The following AP3S2 variants were observed in gnomAD, a reference collection of about 807,000 sequenced individuals.
AP3S2 encodes AP-3 complex subunit sigma-2.
A neutral mutation model predicts 23.4 loss-of-function variants in AP3S2; 22 were observed. That is an observed-to-expected ratio of 0.94 (90% CI 0.67 to 1.34). The LOEUF is 1.34. Among genes scored for constraint, AP3S2 ranks in the 40% most tolerant of loss-of-function variants. The pLI is 0.00. For missense variants in AP3S2, 241 were observed against 236.9 expected (o/e 1.02, Z -0.11); for synonymous variants, 86 against 87.1 (o/e 0.99, Z 0.07).
intron 4 of AP3S2, among the ~76,000 whole-genome samples, chr15:89,852,000 C>A (rs1246371697): frequency 1.3e-5 from 2 of 152,178 alleles, no homozygotes; most frequent in Non-Finnish European, 2.9e-5. Flanking sequence ...GACACAAACA[C>A]ATTTCCCCAC....
intron 1 of AP3S2, 29 bp downstream of exon 1, chr15:89,893,851 AG>A: frequency 6.4e-7 from 1 of 1,551,088 alleles, no homozygotes; most frequent in Non-Finnish European, 8.7e-7. Context: ...GGCGCCCTGA[AG>A]GGGCGTGGTG....
intron 3 of AP3S2, among the ~76,000 whole-genome samples, chr15:89,881,577 A>C (rs1268586909): frequency 2.0e-5 from 3 of 152,168 alleles, no homozygotes; most frequent in African/African-American, 7.2e-5. Flanking sequence ...AGAATATACA[A>C]AATATGACAT....
At position 89,889,104 on chromosome 15, in the gene AP3S2, A is replaced by G; in HGVS notation, c.106T>C (p.Phe36Leu). ...TCATCCCGCTTGAGGACTAGATGGA[A>G]AGTCTCTCGAACAATCTGCTGTTGA... The part of the protein sequence containing the change: ...EIQQQIVRET[F>L]HLVLKRDDNI... The change falls in exon 2 of 6, where the codon TTC becomes CTC. Residue 36 changes from phenylalanine to leucine, a missense_variant. Coordinates refer to ENST00000336418, the MANE Select transcript of AP3S2 (RefSeq NM_005829.5). 6.2e-7 allele frequency: 1 copy of G among 1,614,224 alleles called. No individual in the cohort carries two copies. The highest frequency in any genetic ancestry group is 8.5e-7 in the Non-Finnish European group (1 of 1,180,032).
chr15:89,851,819 T>C lies in AP3S2; in HGVS notation c.346-14097A>G, dbSNP rs979971180. ...GTGAAATCATTTTTTTTTTTTTTAA[T>C]GTTCTAGCAGGACTTTTTCTTTCTA... On this transcript the variant is annotated intron_variant, in intron 4 of 5. Transcript: ENST00000336418. Among the ~76,000 whole-genome samples, 6 of 151,740 alleles carry C rather than the reference T, an allele frequency of 4.0e-5. 1 individual carries two copies. The South Asian group carries it at 1.2e-3, about 32-fold the overall frequency.
chr15:89,846,641 C>T (rs1166262993), intron 4 of AP3S2, among the ~76,000 whole-genome samples: 1 of 152,192 alleles, frequency 6.6e-6, no homozygotes, highest in Non-Finnish European at 1.5e-5. Flanking sequence ...ATTCTCCTGC[C>T]TCAGCCTCCC....
chr15:89,890,401 C>G (rs755523296), intron 1 of AP3S2, among the ~76,000 whole-genome samples: 2 of 152,164 alleles, frequency 1.3e-5, no homozygotes, highest in Non-Finnish European at 2.9e-5. Context: ...GATGAAATCA[C>G]TTTGATAACT....
intron 4 of AP3S2, among the ~76,000 whole-genome samples, chr15:89,860,446 G>C (rs536944334): frequency 6.6e-6 from 1 of 152,198 alleles, no homozygotes; most frequent in Non-Finnish European, 1.5e-5. Flanking sequence ...GGCAGCTAGT[G>C]TACACAGCAC....
chr15:89,850,875 C>G (rs1895634252), intron 4 of AP3S2, among the ~76,000 whole-genome samples: 1 of 152,030 alleles, frequency 6.6e-6, no homozygotes, highest in African/African-American at 2.4e-5. Flanking sequence ...TCACCACACC[C>G]AGCTAATTTT....
At chr15:89,856,837 CACTCCAGCCTGGGCA>C in intron 4 of AP3S2, among the ~76,000 whole-genome samples, 1 of 149,700 alleles carries the variant, frequency 6.7e-6, no homozygotes, top group Admixed American at 6.6e-5. Context: ...CATGCCACTG[CACTCCAGCCTGGGCA>C]ACAGAGTAAG....
At chr15:89,862,439 A>G (rs1379790860) in intron 4 of AP3S2, among the ~76,000 whole-genome samples, 1 of 152,212 alleles carries the variant, frequency 6.6e-6, no homozygotes, top group African/African-American at 2.4e-5. Flanking sequence ...TTATTGACAT[A>G]TTTAGGGATG....
intron 5 of AP3S2, among the ~76,000 whole-genome samples, chr15:89,836,309 T>C (rs1005849530): frequency 2.0e-5 from 3 of 152,026 alleles, no homozygotes; most frequent in African/African-American, 7.3e-5. Flanking sequence ...TAATCTAAGG[T>C]GATTTGTCAG....
chr15:89,858,512 AG>A (rs1422208698), intron 4 of AP3S2, among the ~76,000 whole-genome samples: 3 of 50,972 alleles, frequency 5.9e-5, no homozygotes, highest in Non-Finnish European at 8.5e-5. Context: ...AGAGAGAGAG[AG>A]AGAGAGAGAG....
At chr15:89,840,020 A>T (rs1895289677) in intron 4 of AP3S2, among the ~76,000 whole-genome samples, 1 of 152,156 alleles carries the variant, frequency 6.6e-6, no homozygotes, top group Admixed American at 6.5e-5. Context: ...AAATTCAGAG[A>T]CAGAAACTGG....
chr15:89,885,231 A>T (rs148038204), intron 3 of AP3S2, among the ~76,000 whole-genome samples: 1 of 150,738 alleles, frequency 6.6e-6, no homozygotes, highest in African/African-American at 2.4e-5. Context: ...GTCTCGCTCT[A>T]TTGCCCAGGC....
In AP3S2 at chr15:89,835,334, C is replaced by T. The variant is rs1454262177; in HGVS notation, c.*181G>A. The T allele has an allele frequency of 3.8e-6, 4 of 1,057,302 alleles. No homozygotes were observed. In the South Asian group the frequency reaches 6.7e-5, roughly 18 times the overall value. The allele number at this position is 1,057,302 out of a possible 1,614,324, so 65.5% of individuals were successfully genotyped here. A position where few individuals can be genotyped will look rare whatever the true frequency, so the allele number is the denominator to read the frequency against. On this transcript the variant is annotated 3_prime_UTR_variant, in exon 6 of 6. Coordinates refer to ENST00000336418, the MANE Select transcript of AP3S2 (RefSeq NM_005829.5). The stretch of plus-strand genomic sequence containing the variant: ...TGCACATGTGAGAACTGGGTGCACC[C>T]GAGCAGTGTCAATAGGAATCCCTTC...
chr15:89,893,518 A>C, intron 1 of AP3S2: 1 of 401,808 alleles, frequency 2.5e-6, no homozygotes, highest in Non-Finnish European at 4.4e-6. Context: ...CTTCCTCATG[A>C]AACTGTGGTC....
chr15:89,875,901 T>A (rs1466016151), intron 3 of AP3S2, among the ~76,000 whole-genome samples: 2 of 152,140 alleles, frequency 1.3e-5, no homozygotes. Context: ...GCTGTGATTG[T>A]GCCACTGCAC....
chr15:89,859,361 CT>C (rs1177990909), intron 4 of AP3S2, among the ~76,000 whole-genome samples: 13 of 124,876 alleles, frequency 1.0e-4, no homozygotes, highest in African/African-American at 3.4e-4. Context: ...TCTTTCCTTC[CT>C]TTCCTTCCTT....
chr15:89,882,366 C>CTTTT (rs781506231), intron 3 of AP3S2, among the ~76,000 whole-genome samples: 1 of 142,682 alleles, frequency 7.0e-6, no homozygotes, highest in East Asian at 2.1e-4. Flanking sequence ...TTGACCTACT[C>CTTTT]TTTTTTTTTT....
Sources: gnomAD v4.1 joint callset for allele counts (sites outside exome capture counted in the v4.1 genomes callset) on GRCh38, gnomAD v4.1.1 for gene constraint, MANE v1.5 for transcripts, NCBI Gene and HGNC (gene_info 2026-07-23, HGNC 2026-07-21) for gene names.